NTM: variants seen among roughly 807,000 people sequenced by gnomAD.
The protein encoded by NTM is neurotrimin, also known as IgLON family member 2.
Under a neutral mutation model 42.1 loss-of-function variants are expected in NTM, and 13 were observed. The ratio of observed to expected loss-of-function variants is 0.31; its 90% confidence interval spans 0.20 to 0.49. The LOEUF is 0.49. Among genes scored for constraint, NTM ranks in the 20% least tolerant of loss-of-function variants. The pLI, the probability that NTM is intolerant of heterozygous loss-of-function variation, is 0.99. For synonymous variants in NTM, 187 were observed against 179.2 expected, an observed-to-expected ratio of 1.04 and a Z score of -0.35; for missense variants, 373 against 452.8, an observed-to-expected ratio of 0.82 and a Z score of 1.60.
At chr11:132,110,401 C>T (rs978012535) in intron 2 of NTM, among the ~76,000 whole-genome samples, 3 of 152,180 alleles carry the variant, frequency 2.0e-5, no homozygotes, top group African/African-American at 4.8e-5. Flanking sequence ...GTTGCCTCTC[C>T]GGAGAACTGA....
intron 1 of NTM, among the ~76,000 whole-genome samples, chr11:131,435,426 G>A (rs183430742): frequency 9.1e-4 from 138 of 152,302 alleles, no homozygotes; most frequent in African/African-American, 3.2e-3. Flanking sequence ...CCATGAGCAT[G>A]GAATGTTCTT....
chr11:132,118,873 G>A (rs2064285698), intron 2 of NTM, among the ~76,000 whole-genome samples: 1 of 152,050 alleles, frequency 6.6e-6, no homozygotes. Context: ...GGATTTTGTG[G>A]TACCATAATG....
chr11:132,043,372 TA>T (rs2077462890), intron 2 of NTM, among the ~76,000 whole-genome samples: 1 of 152,230 alleles, frequency 6.6e-6, no homozygotes, highest in Non-Finnish European at 1.5e-5. Context: ...AAGGCCACTT[TA>T]ACAAATGTGA....
intron 3 of NTM, among the ~76,000 whole-genome samples, chr11:132,163,140 G>A (rs1591932247): frequency 6.6e-6 from 1 of 152,164 alleles, no homozygotes; most frequent in African/African-American, 2.4e-5. Flanking sequence ...GCCCAGCCAC[G>A]GGCAAGCATC....
intron 1 of NTM, among the ~76,000 whole-genome samples, chr11:131,818,016 G>GT (rs2093022158): frequency 6.6e-6 from 1 of 151,632 alleles, no homozygotes; most frequent in African/African-American, 2.4e-5. Context: ...AAGATGATAG[G>GT]CGGGGGAGCA....
chr11:131,728,956 A>C (rs973663255), intron 1 of NTM, among the ~76,000 whole-genome samples: 8 of 152,212 alleles, frequency 5.3e-5, no homozygotes, highest in Admixed American at 2.6e-4. Flanking sequence ...TGAAGACCAA[A>C]TATCTATTTT....
chr11:132,314,754 G>T (rs546535645), intron 7 of NTM, 51 bp downstream of exon 7: 4 of 1,549,832 alleles, frequency 2.6e-6, no homozygotes, highest in African/African-American at 1.4e-5. Context: ...GTGCAGAACG[G>T]GAGAGCTGGG....
rs557522093 is a variant in NTM, at chr11:131,763,709, C to CTTTTTTTTTTTTTTTTT, written c.83-147845_83-147829dup. Among the ~76,000 whole-genome samples the CTTTTTTTTTTTTTTTTT allele has an allele frequency of 5.7e-3, 405 of 71,332 alleles. 75 individuals carry two copies. Among genetic ancestry groups the CTTTTTTTTTTTTTTTTT allele is most frequent in the Middle Eastern group, 0.011 (1 of 90 alleles). The allele number at this position is 71,332 out of a possible 152,430, so 46.8% of individuals were successfully genotyped here. Reference sequence around the variant, plus strand: ...CTTATCCACAGGCCCATCTCTCTCTCTTTTTTTTTTTTTTTTTTTTTTTTT... The same window carrying CTTTTTTTTTTTTTTTTT: ...CTTATCCACAGGCCCATCTCTCTCTCTTTTTTTTTTTTTTTTTTTTTTTTTTTTTTTTTTTTTTTTTT... On this transcript the variant is annotated intron_variant, in intron 1 of 8. Transcript: ENST00000683400.
At chr11:132,042,773 C>A (rs1016672442) in intron 2 of NTM, among the ~76,000 whole-genome samples, 1 of 152,154 alleles carries the variant, frequency 6.6e-6, no homozygotes, top group African/African-American at 2.4e-5. Flanking sequence ...ATACACAAAG[C>A]TAGATTACTT....
intron 4 of NTM, among the ~76,000 whole-genome samples, chr11:132,242,048 T>G (rs2090295229): frequency 6.6e-6 from 1 of 152,220 alleles, no homozygotes; most frequent in Non-Finnish European, 1.5e-5. Flanking sequence ...AATGGCACAA[T>G]AGATTGTGGT....
At chr11:131,931,300 A>G (rs2058573484) in intron 2 of NTM, among the ~76,000 whole-genome samples, 1 of 151,928 alleles carries the variant, frequency 6.6e-6, no homozygotes. Context: ...TTAGCTGGGC[A>G]TGGTGGTATG....
At chr11:131,400,341 A>G (rs1398304612) in intron 1 of NTM, among the ~76,000 whole-genome samples, 1 of 152,134 alleles carries the variant, frequency 6.6e-6, no homozygotes, top group African/African-American at 2.4e-5. Context: ...GCTGAAGACC[A>G]TGCTCATTTT....
intron 1 of NTM, among the ~76,000 whole-genome samples, chr11:131,432,839 C>CCTTTTTTTTTTT (rs1565494793): frequency 1.5e-5 from 1 of 68,694 alleles, no homozygotes; most frequent in Non-Finnish European, 2.6e-5. Context: ...ATTTAGCATT[C>CCTTTTTTTTTTT]TTTTTTTTTT....
chr11:131,407,117 C>A, intron 1 of NTM, among the ~76,000 whole-genome samples: 1 of 152,294 alleles, frequency 6.6e-6, no homozygotes, highest in African/African-American at 2.4e-5. Flanking sequence ...GTCCCAGAGC[C>A]AGACCAACTA....
At chr11:131,680,334 T>C (rs185241423) in intron 1 of NTM, among the ~76,000 whole-genome samples, 309 of 151,958 alleles carry the variant, frequency 2.0e-3, no homozygotes, top group Admixed American at 4.3e-3. Flanking sequence ...AGCACATCTA[T>C]GTATGTGTCT....
chr11:132,317,647 C>A (rs779081036), intron 7 of NTM: 2 of 1,302,072 alleles, frequency 1.5e-6, no homozygotes, highest in Non-Finnish European at 2.0e-6. Context: ...GTCCCTCAAC[C>A]GATTTAGAAC....
intron 4 of NTM, among the ~76,000 whole-genome samples, chr11:132,276,715 G>T (rs757897018): frequency 1.3e-5 from 2 of 152,134 alleles, no homozygotes; most frequent in East Asian, 3.9e-4. Flanking sequence ...TTTTTGTTGT[G>T]GGGGAAGAGT....
At chr11:132,127,530 T>A (rs761226722) in intron 2 of NTM, among the ~76,000 whole-genome samples, 7 of 152,236 alleles carry the variant, frequency 4.6e-5, no homozygotes, top group Non-Finnish European at 5.9e-5. Context: ...CCCACCTTTT[T>A]AATGACTTTC....
chr11:131,581,529 G>A (rs2058410924), intron 1 of NTM, among the ~76,000 whole-genome samples: 1 of 152,192 alleles, frequency 6.6e-6, no homozygotes, highest in South Asian at 2.1e-4. Context: ...GCTGAGGAAA[G>A]CAGAAACAGA....
Sources: gnomAD v4.1 joint callset for allele counts (sites outside exome capture counted in the v4.1 genomes callset) on GRCh38, gnomAD v4.1.1 for gene constraint, MANE v1.5 for transcripts, NCBI Gene and HGNC (gene_info 2026-07-23, HGNC 2026-07-21) for gene names.